Variants in NUP210L observed in about 807,000 individuals in gnomAD.
The protein encoded by NUP210L is nuclear pore membrane glycoprotein 210-like.
NUP210L carries 74 observed loss-of-function variants against 208.5 expected under a neutral mutation model. The observed-to-expected ratio is 0.35, with a 90% CI of 0.29 to 0.43. The LOEUF is 0.43. Ranked by LOEUF, NUP210L falls within the 20% of genes least tolerant of loss-of-function variation. The pLI, the probability that NUP210L is intolerant of heterozygous loss-of-function variation, is 1.00. For synonymous variants in NUP210L, 780 were observed against 816.9 expected (o/e 0.95, Z 0.77); for missense variants, 1,843 against 2,289.4 (o/e 0.81, Z 3.98).
chr1:154,047,848 C>T (rs113437441), intron 25 of NUP210L, among the ~76,000 whole-genome samples: 122 of 152,214 alleles, frequency 8.0e-4, no homozygotes, highest in African/African-American at 2.2e-3. Flanking sequence ...GAGCTGATCT[C>T]GGTAAGTGGT....
chr1:154,122,212 A>G (rs2148107629), intron 10 of NUP210L, among the ~76,000 whole-genome samples: 1 of 118,882 alleles, frequency 8.4e-6, no homozygotes, highest in East Asian at 2.2e-4. Context: ...CTTCAAAGAT[A>G]CAAACTACCA....
At chr1:154,032,718 G>C in intron 27 of NUP210L, among the ~76,000 whole-genome samples, 1 of 152,026 alleles carries the variant, frequency 6.6e-6, no homozygotes, top group Non-Finnish European at 1.5e-5. Flanking sequence ...AGGAGTTCGA[G>C]ACCAGCCTGG....
chr1:154,084,411 C>T (rs775158746), intron 16 of NUP210L, among the ~76,000 whole-genome samples: 8 of 151,606 alleles, frequency 5.3e-5, no homozygotes, highest in Non-Finnish European at 8.8e-5. Flanking sequence ...GGGGTTTCAC[C>T]GTGTTGGCCA....
intron 25 of NUP210L, among the ~76,000 whole-genome samples, chr1:154,048,260 A>G (rs1653296101): frequency 6.6e-6 from 1 of 152,066 alleles, no homozygotes; most frequent in South Asian, 2.1e-4. Context: ...TGCCCCAGTG[A>G]CTGTTCAAGT....
chr1:154,149,726 A>T (rs1659292650), intron 2 of NUP210L, among the ~76,000 whole-genome samples: 3 of 152,184 alleles, frequency 2.0e-5, no homozygotes, highest in Non-Finnish European at 4.4e-5. Context: ...AAAAATAAAT[A>T]ATAAATAAAT....
chr1:154,010,598 C>T (rs774923349), intron 34 of NUP210L, among the ~76,000 whole-genome samples: 6 of 152,112 alleles, frequency 3.9e-5, no homozygotes, highest in South Asian at 2.1e-4. Flanking sequence ...AGGCCAGGCG[C>T]GGTGGCTCAC....
chr1:154,037,575 T>C (rs1041059455), intron 27 of NUP210L, among the ~76,000 whole-genome samples: 2 of 152,302 alleles, frequency 1.3e-5, no homozygotes, highest in South Asian at 4.1e-4. Context: ...TGTGTCTTTA[T>C]AGGTGAAGTG....
intron 27 of NUP210L, among the ~76,000 whole-genome samples, chr1:154,044,028 TA>T (rs1251494778): frequency 6.6e-6 from 1 of 151,924 alleles, no homozygotes; most frequent in African/African-American, 2.4e-5. Context: ...ATGCTTTACA[TA>T]AAAAAAATTA....
chr1:154,077,828 T>C (rs928252965), intron 16 of NUP210L, among the ~76,000 whole-genome samples: 5 of 151,352 alleles, frequency 3.3e-5, no homozygotes, highest in African/African-American at 1.2e-4. Flanking sequence ...CTACTAAAAA[T>C]ACAAAAATTA....
intron 21 of NUP210L, 93 bp downstream of exon 21, chr1:154,058,472 A>C (rs779174937): frequency 1.5e-5 from 21 of 1,413,220 alleles, no homozygotes; most frequent in Non-Finnish European, 1.9e-5. Context: ...CCTGGTATAC[A>C]CACACAGTAG....
chr1:154,062,393 A>C (rs1347751465), intron 17 of NUP210L, among the ~76,000 whole-genome samples: 1 of 152,034 alleles, frequency 6.6e-6, no homozygotes, highest in African/African-American at 2.4e-5. Context: ...CATGTCATGT[A>C]AGTCACTTAG....
At chr1:154,117,839 A>G (rs1258412272) in exon 12 of NUP210L, 1 of 1,612,798 alleles carries the variant, frequency 6.2e-7, no homozygotes. Flanking sequence ...CCACTGTTTC[A>G]TTAGAAGAAG....
intron 37 of NUP210L, among the ~76,000 whole-genome samples, chr1:153,996,526 A>AT (rs1452364433): frequency 6.6e-6 from 1 of 151,234 alleles, no homozygotes; most frequent in Admixed American, 6.6e-5. Context: ...GGTTCAAGCA[A>AT]TTCTTTTGTC....
chr1:154,137,106 T>C, intron 6 of NUP210L, among the ~76,000 whole-genome samples: 1 of 152,242 alleles, frequency 6.6e-6, no homozygotes, highest in East Asian at 1.9e-4. Flanking sequence ...AATTGTTTTA[T>C]TTATTTAGTT....
At chr1:154,135,694 T>A (rs1658498742) in intron 7 of NUP210L, 120 bp downstream of exon 7, 1 of 817,032 alleles carries the variant, frequency 1.2e-6, no homozygotes, top group Non-Finnish European at 2.0e-6. Flanking sequence ...GTGCTGGAAT[T>A]ACAGGCGTGA....
chr1:153,992,782 G>A (rs1571138234), exon 40 of NUP210L: 3 of 1,201,552 alleles, frequency 2.5e-6, no homozygotes, highest in East Asian at 2.4e-5. Flanking sequence ...TTCTTGTCGA[G>A]GACTAGAAAT....
At chr1:154,051,964 G>A (rs1173719826) in intron 25 of NUP210L, among the ~76,000 whole-genome samples, 1 of 152,218 alleles carries the variant, frequency 6.6e-6, no homozygotes, top group Non-Finnish European at 1.5e-5. Context: ...TCAAGGACAA[G>A]CCATAGTGGA....
intron 7 of NUP210L, among the ~76,000 whole-genome samples, chr1:154,133,684 T>C (rs1658371155): frequency 6.7e-6 from 1 of 150,208 alleles, no homozygotes; most frequent in African/African-American, 2.5e-5. Flanking sequence ...TATAAAAAAA[T>C]ACAAAAATTA....
At position 153,995,189 on chromosome 1, in the gene NUP210L, T is replaced by C. The variant is rs1649763200; in HGVS notation, c.5387-9A>G. 6.3e-7 allele frequency: 1 copy of C among 1,587,824 alleles called. No homozygotes were observed. Among genetic ancestry groups the C allele is most frequent in the Non-Finnish European group, 8.6e-7 (1 of 1,159,958 alleles). On this transcript the variant is annotated splice_polypyrimidine_tract_variant and intron_variant, in intron 37 of 39. Coordinates refer to ENST00000368559, the Ensembl canonical transcript of NUP210L. Reference sequence around the variant, plus strand: ...GGAATCTTCACAGTGATCTATACATTGGCCATAACAAAACAAGATAATAGT... The same window carrying C: ...GGAATCTTCACAGTGATCTATACATCGGCCATAACAAAACAAGATAATAGT...
Sources: allele counts gnomAD v4.1 joint callset (sites outside exome capture counted in the v4.1 genomes callset), GRCh38; gene constraint gnomAD v4.1.1; transcripts MANE v1.5; gene names NCBI Gene and HGNC (gene_info 2026-07-23, HGNC 2026-07-21).